The following SP110 variants were observed in gnomAD, a reference collection of about 807,000 sequenced individuals.
SP110 encodes the protein interferon-induced protein 41, 30kD.
Under a neutral mutation model 92.7 loss-of-function variants are expected in SP110, and 62 were observed. The observed-to-expected ratio is 0.67, with a 90% CI of 0.55 to 0.83. The LOEUF is 0.83. Among genes scored for constraint, SP110 ranks in the 40% least tolerant of loss-of-function variants. The pLI is 0.00. For missense variants in SP110, 793 were observed against 863.9 expected, an observed-to-expected ratio of 0.92 and a Z score of 1.03; for synonymous variants, 273 against 305.3, an observed-to-expected ratio of 0.89 and a Z score of 1.10.
intron 10 of SP110, chr2:230,200,682 G>A: frequency 1.6e-6 from 1 of 610,528 alleles, no homozygotes; most frequent in Non-Finnish European, 2.9e-6. Context: ...ACATACATAT[G>A]GACACATTAC....
rs969477783 is a variant in SP110 at position 230,211,705 on chromosome 2, C to T, written c.668-152G>A. ...GGATGGCATAGAGTGGGAAAGTAAG[C>T]AACCATTCACTCTCAATTAGCCACT... On this transcript the variant is annotated intron_variant, in intron 5 of 18. Coordinates refer to ENST00000258381, the MANE Select transcript of SP110 (RefSeq NM_080424.4). This position sits in a 1 kb window ranked among gnomAD's most constrained non-coding sequence, Gnocchi z 4.2. The T allele has an allele frequency of 6.0e-6, 4 of 661,942 alleles. No homozygotes were observed. The highest frequency in any genetic ancestry group is 5.4e-5 in the African/African-American group (3 of 55,550). The allele number at this position is 661,942 out of a possible 1,614,324, so 41.0% of individuals were successfully genotyped here.
At chr2:230,191,264 A>G (rs2042619314) in intron 10 of SP110, among the ~76,000 whole-genome samples, 1 of 152,152 alleles carries the variant, frequency 6.6e-6, no homozygotes, top group African/African-American at 2.4e-5. Context: ...TCCAAAAGCT[A>G]GCAGAAGACA....
intron 4 of SP110, 28 bp from the exon 5 acceptor site, chr2:230,212,458 A>G: frequency 6.6e-7 from 1 of 1,518,936 alleles, no homozygotes; most frequent in Middle Eastern, 1.7e-4. Flanking sequence ...ATTATTACAG[A>G]TTGCAGGGAC....
chr2:230,176,741 G>A, intron 14 of SP110: 1 of 1,613,790 alleles, frequency 6.2e-7, no homozygotes, highest in South Asian at 1.1e-5. Context: ...GACAGAAGGA[G>A]TCAATGAATG....
At chr2:230,224,754 C>T (rs997716424), upstream of SP110, among the ~76,000 whole-genome samples, 2 of 152,168 alleles carry the variant, frequency 1.3e-5, no homozygotes, top group African/African-American at 4.8e-5. Flanking sequence ...TGGAAAAATA[C>T]TGCTTTGCCT....
In SP110 at chr2:230,176,822, C is replaced by T. The variant is rs369745566; in HGVS notation, c.1590+716G>A. 35 of 1,268,846 alleles carry T rather than the reference C, an allele frequency of 2.8e-5. No individual in the cohort carries two copies. The Middle Eastern group carries it at 1.1e-3, about 41-fold the overall frequency. 78.6% of individuals were successfully genotyped at this position (1,268,846 alleles called of 1,614,324 possible). ...TTCCTAGTGAATGTCTGTACCCAGA[C>T]ATCACACTGGATCTCAAACCCAAGA... On this transcript the variant is annotated intron_variant, in intron 14 of 18. Coordinates refer to ENST00000258381, the MANE Select transcript of SP110 (RefSeq NM_080424.4).
At chr2:230,221,645 A>G (rs2045830045), upstream of SP110, 1 of 1,463,330 alleles carries the variant, frequency 6.8e-7, no homozygotes, top group Admixed American at 2.0e-5. Context: ...GCTGTGATGC[A>G]GGGGATGGCG....
rs2041955535 is a variant in SP110 at position 230,178,211 on chromosome 2, G to A, written c.1393C>T (p.Pro465Ser). The change falls in exon 13 of 19, where the codon CCC becomes TCC. Residue 465 changes from proline to serine, a missense_variant. Pro to Ser is a moderately conservative substitution (Grantham distance 74). Coordinates refer to ENST00000258381, the MANE Select transcript of SP110 (RefSeq NM_080424.4). ...CCTTTCGCCTCACCACAGGTCACGG[G>A]GAGCTTAGAACAGTGAAAATCCACA... ...DTVDFHCSKL[P>S]VTCGEAKGIL... 2 of 1,613,736 alleles carry A rather than the reference G, an allele frequency of 1.2e-6. No individual in the cohort carries two copies. The highest frequency in any genetic ancestry group is 4.5e-5 in the East Asian group (2 of 44,882).
intron 14 of SP110, 123 bp from the exon 15 acceptor site, chr2:230,173,082 A>G (rs1032533574): frequency 1.4e-6 from 1 of 703,362 alleles, no homozygotes; most frequent in African/African-American, 1.8e-5. Flanking sequence ...CCAATTTTTG[A>G]TGGGGGGAGC....
chr2:230,193,905 C>T (rs890714521), intron 10 of SP110, among the ~76,000 whole-genome samples: 3 of 152,034 alleles, frequency 2.0e-5, no homozygotes, highest in African/African-American at 4.8e-5. Flanking sequence ...TTATAAATTC[C>T]AAAAATTACC....
chr2:230,209,967 G>C lies in SP110; in HGVS notation c.793C>G (p.Pro265Ala). Residue 265 changes from proline (P) to alanine (A), a missense_variant, in exon 7 of 19, where the codon CCC (proline) becomes GCC (alanine). Transcript: ENST00000258381. The stretch of plus-strand genomic sequence containing the variant: ...GAAGGTGTGCTGGACACCTCCTGGG[G>C]CTCTTCTGGGTCATTTGGTTCTGGA... ...NSPEPNDPEE[P>A]QEVSSTPSDK... is the part of the protein sequence containing the mutation. 1 of 1,610,150 alleles carries C rather than the reference G, an allele frequency of 6.2e-7. No homozygotes were observed. Among genetic ancestry groups the C allele is most frequent in the South Asian group, 1.1e-5 (1 of 91,018 alleles).
rs2044942377 is a variant in SP110, at chr2:230,214,934, T to G, written c.316+16A>C. 1 of 1,612,130 alleles carries G rather than the reference T, an allele frequency of 6.2e-7. No homozygotes were observed. The highest frequency in any genetic ancestry group is 1.3e-5 in the African/African-American group (1 of 74,878). On this transcript the variant is annotated intron_variant, in intron 3 of 18. Coordinates refer to ENST00000258381, the MANE Select transcript of SP110 (RefSeq NM_080424.4). Reference sequence around the variant, plus strand: ...CAACTTTTTAAATGCAAAAAGCACTTGAGAAATCTCATTACCACGTTTGAA... The same window carrying G: ...CAACTTTTTAAATGCAAAAAGCACTGGAGAAATCTCATTACCACGTTTGAA...
upstream of SP110, chr2:230,221,710 GCC>G: frequency 6.5e-7 from 1 of 1,536,040 alleles, no homozygotes; most frequent in Middle Eastern, 1.7e-4. Flanking sequence ...CTTACCTGAA[GCC>G]CCTCCCCATC....
At chr2:230,177,835 C>G (rs1288506162) in intron 13 of SP110, among the ~76,000 whole-genome samples, 155 bp from the exon 14 acceptor site, 1 of 152,210 alleles carries the variant, frequency 6.6e-6, no homozygotes, top group Non-Finnish European at 1.5e-5. Context: ...GGCCTCTTCT[C>G]TTGGACTGAA....
Position 230,186,089 on chromosome 2 carries a change from A to T in SP110, c.1184T>A (p.Val395Glu), listed in dbSNP as rs964054688. 1.1e-5 allele frequency: 17 copies of T among 1,613,868 alleles called. No individual in the cohort carries two copies. Among genetic ancestry groups the T allele is most frequent in the Non-Finnish European group, 1.4e-5 (16 of 1,179,984 alleles). Residue 395 changes from valine to glutamate, a missense_variant, in exon 11 of 19, where the codon GTG becomes GAG. Transcript: ENST00000258381. ...GGTTGAGTCGTCTTTCCTTTGAGTC[A>T]CCTTATCCACCACTTGGAGCTTCTC... ...IQEKLQVVDKVTQRKDDSTWN... is the reference protein window; with the variant it reads ...IQEKLQVVDKETQRKDDSTWN...
At chr2:230,207,961 C>T (rs747025509) in intron 8 of SP110, 30 bp downstream of exon 8, 8 of 1,158,440 alleles carry the variant, frequency 6.9e-6, no homozygotes, top group Admixed American at 5.4e-5. Flanking sequence ...TGTTTCCAGC[C>T]TCCAGCTTCC....
Position 230,170,872 on chromosome 2 carries a change from T to C in SP110, c.1888-111A>G, listed in dbSNP as rs559808484. 1.2e-5 allele frequency: 13 copies of C among 1,120,344 alleles called. No homozygotes were observed. The East Asian group carries it at 3.2e-4, about 28-fold the overall frequency. The allele number at this position is 1,120,344 out of a possible 1,614,324, so 69.4% of individuals were successfully genotyped here. A position where few individuals can be genotyped will look rare whatever the true frequency, so the allele number is the denominator to read the frequency against. On this transcript the variant is annotated intron_variant, in intron 17 of 18. Transcript: ENST00000258381. ...TTCCAGGGTCATAATGATAATACCA[T>C]TTGACCTCTTTAAGCCAGCTATTGT...
chr2:230,202,465 T>C, intron 9 of SP110, 114 bp downstream of exon 9: 1 of 958,856 alleles, frequency 1.0e-6, no homozygotes, highest in Admixed American at 2.0e-5. Context: ...CCTCATTCTC[T>C]GTACTTTTTC....
At chr2:230,182,201 C>G (rs2396710) in intron 12 of SP110, among the ~76,000 whole-genome samples, 8,386 of 146,734 alleles carry the variant, frequency 0.057, 744 homozygotes, top group African/African-American at 0.2. Flanking sequence ...CAAACTAATG[C>G]AGGAACGGAA....
Sources: allele counts gnomAD v4.1 joint callset (sites outside exome capture counted in the v4.1 genomes callset), GRCh38; gene constraint gnomAD v4.1.1; non-coding constraint Gnocchi (gnomAD v3.1); transcripts MANE v1.5; gene names NCBI Gene and HGNC (gene_info 2026-07-23, HGNC 2026-07-21).